A1BG: variants seen among roughly 807,000 people sequenced by gnomAD.
A1BG encodes alpha-1-B glycoprotein, also known as alpha-1B-glycoprotein.
In A1BG, 44 loss-of-function variants were observed where a neutral mutation model predicts 46.0. That is an observed-to-expected ratio of 0.96 (90% CI 0.75 to 1.23). The LOEUF (loss-of-function observed/expected upper bound fraction) is 1.23. Ranked by LOEUF, A1BG falls within the 50% of genes most tolerant of loss-of-function variation. The probability of loss-of-function intolerance (pLI) is 0.00; values close to 1 mark genes in which losing one functional copy is unlikely to be tolerated. For synonymous variants in A1BG, 316 were observed against 314.7 expected, an observed-to-expected ratio of 1.00 and a Z score of -0.04; for missense variants, 707 against 688.8, an observed-to-expected ratio of 1.03 and a Z score of -0.30.
chr19:58,347,383 G>C lies in A1BG; in HGVS notation c.1450C>G (p.Leu484Val). 6.2e-7 allele frequency: 1 copy of C among 1,612,270 alleles called. No homozygotes were observed. Among genetic ancestry groups the C allele is most frequent in the Non-Finnish European group, 8.5e-7 (1 of 1,179,800 alleles). Residue 484 changes from leucine to valine, a missense_variant, in exon 7 of 8, where the codon CTC becomes GTC. By Grantham distance (32) the Leu-to-Val change is conservative. Transcript: ENST00000263100. ...ACCAGGAGCTCCACAGGGTCGCTGA[G>C]CTCCGATTCGAAGGTGTGGGGCACC... The part of the protein sequence containing the change: ...SWVPHTFESE[L>V]SDPVELLVAE...
Position 58,345,834 on chromosome 19 carries a change from C to T in A1BG, c.*1188G>A, listed in dbSNP as rs2051910781. The T allele has an allele frequency of 6.6e-6, 1 of 152,258 alleles. No homozygotes were observed. Among genetic ancestry groups the T allele is most frequent in the Non-Finnish European group, 1.5e-5 (1 of 68,062 alleles). 9.4% of individuals were successfully genotyped at this position (152,258 alleles called of 1,614,324 possible). ...ATATTACTAAGGCAGTAAACCAGATCACTAGCAAATTCGTTGAAAAACACA... is the reference window on the plus strand; with the variant it reads ...ATATTACTAAGGCAGTAAACCAGATTACTAGCAAATTCGTTGAAAAACACA... On this transcript the variant is annotated 3_prime_UTR_variant, in exon 8 of 8. Transcript: ENST00000263100.
At chr19:58,347,685 C>T (rs2051925210) in intron 6 of A1BG, 45 bp from the exon 7 acceptor site, 2 of 1,253,120 alleles carry the variant, frequency 1.6e-6, no homozygotes, top group Non-Finnish European at 2.0e-6. Flanking sequence ...CGCCCCAGGC[C>T]ACGCCCCAGG....
At chr19:58,353,233 G>A (rs200532553) in intron 2 of A1BG, 36 bp from the exon 3 acceptor site, 219 of 1,613,730 alleles carry the variant, frequency 1.4e-4, no homozygotes, top group Middle Eastern at 8.2e-4. Context: ...CAGTGCCACA[G>A]AGACAGGGCT....
chr19:58,351,568 G>A lies in A1BG; in HGVS notation c.733C>T (p.Arg245Cys), dbSNP rs184830744. Residue 245 changes from arginine to cysteine, a missense_variant, in exon 5 of 8, where the codon CGC (arginine) becomes TGC (cysteine). Arg to Cys is a radical substitution (Grantham distance 180, BLOSUM62 -3). Coordinates refer to ENST00000263100, the MANE Select transcript of A1BG (RefSeq NM_130786.4). ...PLSGVDFQLR[R>C]GEKELLVPRS... ...GGTACCAGCAGCTCTTTCTCCCCGC[G>A]CCGTAGCTGGAAGTCCACTCCACTC... is the stretch of plus-strand genomic sequence containing the variant. 5.6e-6 allele frequency: 9 copies of A among 1,613,884 alleles called. No individual in the cohort carries two copies. Among genetic ancestry groups the A allele is most frequent in the African/African-American group, 5.3e-5 (4 of 75,032 alleles).
Position 58,347,457 on chromosome 19 carries a change from A to C in A1BG, c.1376T>G (p.Phe459Cys). ...PGAAANLELI[F>C]VGPQHAGNYR... ...GTTGCCGGCGTGCTGGGGCCCCACG[A>C]AGATCAGCTCGAGGTTCGCCGCGGC... The change falls in exon 7 of 8, where the codon TTC (phenylalanine) becomes TGC (cysteine). Residue 459 changes from phenylalanine to cysteine, a missense_variant. Transcript: ENST00000263100. 6.2e-7 allele frequency: 1 copy of C among 1,605,810 alleles called. No individual in the cohort carries two copies. Among genetic ancestry groups the C allele is most frequent in the South Asian group, 1.1e-5 (1 of 90,878 alleles).
Position 58,347,656 on chromosome 19 carries a change from G to GGGTGGTCGGGCC in A1BG, c.1193-28_1193-17dup. 7.3e-7 allele frequency: 1 copy of GGGTGGTCGGGCC among 1,369,066 alleles called. No individual in the cohort carries two copies. Among genetic ancestry groups the GGGTGGTCGGGCC allele is most frequent in the South Asian group, 1.6e-5 (1 of 63,294 alleles). The allele number at this position is 1,369,066 out of a possible 1,614,324, so 84.8% of individuals were successfully genotyped here. On this transcript the variant is annotated splice_polypyrimidine_tract_variant and intron_variant, in intron 6 of 7. Transcript: ENST00000263100. ...GGAGGGGGTCCTGGGCGGAGCGGGC[G>GGGTGGTCGGGCC]GGTGGTCGGGCCAGGCCACGCCCCA...
chr19:58,349,350 G>A (rs1236711458), intron 6 of A1BG, among the ~76,000 whole-genome samples: 2 of 151,992 alleles, frequency 1.3e-5, no homozygotes, highest in African/African-American at 4.8e-5. Context: ...GTGGATGGTG[G>A]CTTATAACAC....
At position 58,353,163 on chromosome 19, in the gene A1BG, G is replaced by C. The variant is rs776426662; in HGVS notation, c.105C>G (p.Ser35=). ...TGGCCAAGGGTTTCAGCAGTGATTC[G>C]GACTCTGCCCACAGGCTGGGCTGCG... ...YETQPSLWAE[S]ESLLKPLANV... The change falls in exon 3 of 8, where the codon TCC becomes TCG. Residue 35 remains serine (S), a synonymous_variant. Coordinates refer to ENST00000263100, the MANE Select transcript of A1BG (RefSeq NM_130786.4). The C allele has an allele frequency of 3.7e-6, 6 of 1,614,092 alleles. No individual in the cohort carries two copies. In the East Asian group the frequency reaches 8.9e-5, roughly 24 times the overall value.
chr19:58,352,062 G>A (rs2051964518), intron 4 of A1BG: 2 of 1,417,576 alleles, frequency 1.4e-6, no homozygotes, highest in African/African-American at 2.9e-5. Flanking sequence ...CCAAAGTGCT[G>A]GGATTATAGG....
At chr19:58,352,096 A>G (rs779388131) in intron 4 of A1BG, 187 bp downstream of exon 4, 8 of 1,447,432 alleles carry the variant, frequency 5.5e-6, no homozygotes, top group Non-Finnish European at 6.3e-6. Context: ...ACCCGGCCTC[A>G]CCCTTCCATT....
chr19:58,351,831 T>C, intron 4 of A1BG, 144 bp from the exon 5 acceptor site: 2 of 915,108 alleles, frequency 2.2e-6, no homozygotes, highest in Non-Finnish European at 3.2e-6. Flanking sequence ...AGTTTCGCTC[T>C]TGTTGCCCAG....
At position 58,352,497 on chromosome 19, in the gene A1BG, C is replaced by T. The variant is rs755034046; in HGVS notation, c.399G>A (p.Leu133=). ...MAPVSWITPG[L]KTTAVCRGVL... The stretch of plus-strand genomic sequence containing the variant: ...CACCTCGGCACACTGCTGTTGTTTT[C>T]AGGCCGGGGGTGATCCAGGACACTG... Residue 133 remains leucine, a synonymous_variant, in exon 4 of 8, where the codon CTG becomes CTA. Coordinates refer to ENST00000263100, the MANE Select transcript of A1BG (RefSeq NM_130786.4). 1.2e-6 allele frequency: 2 copies of T among 1,613,030 alleles called. No homozygotes were observed. The highest frequency in any genetic ancestry group is 8.5e-7 in the Non-Finnish European group (1 of 1,179,984).
rs1163609225 is a variant in A1BG at position 58,353,432 on chromosome 19, G to A, written c.6C>T (p.Ser2=). The A allele has an allele frequency of 6.2e-7, 1 of 1,611,822 alleles. No homozygotes were observed. Among genetic ancestry groups the A allele is most frequent in the South Asian group, 1.1e-5 (1 of 90,564 alleles). Residue 2 remains serine, a synonymous_variant, in exon 1 of 8, where the codon TCC becomes TCT. Coordinates refer to ENST00000263100, the MANE Select transcript of A1BG (RefSeq NM_130786.4). M[S]MLVVFLLLWG... ...ACAGCAAGAGAAAGACCACGAGCAT[G>A]GACATGATGGTCGCGCTCACTCCGG...
chr19:58,347,815 G>A (rs954071974), intron 6 of A1BG, 175 bp from the exon 7 acceptor site: 31 of 369,070 alleles, frequency 8.4e-5, no homozygotes, highest in Non-Finnish European at 1.4e-4. Context: ...TGCGCCCGCT[G>A]CCTTCACACC....
chr19:58,352,441 C>T lies in A1BG; in HGVS notation c.455G>A (p.Arg152Gln), dbSNP rs769410420. The T allele has an allele frequency of 2.2e-5, 35 of 1,613,686 alleles. No individual in the cohort carries two copies. The highest frequency in any genetic ancestry group is 3.3e-5 in the Admixed American group (2 of 59,984). Residue 152 changes from arginine (R) to glutamine (Q), a missense_variant, in exon 4 of 8, where the codon CGG (arginine) becomes CAG (glutamine). Coordinates refer to ENST00000263100, the MANE Select transcript of A1BG (RefSeq NM_130786.4). ...CTCCAGAAACTCATGGTCGCCCTCC[C>T]GCCTCAGCAGAAAAGTCACACCCCG... ...VLRGVTFLLR[R>Q]EGDHEFLEVP... is the part of the protein sequence containing the mutation.
intron 6 of A1BG, 84 bp from the exon 7 acceptor site, chr19:58,347,724 G>A (rs1600502686): frequency 7.8e-6 from 5 of 637,278 alleles, no homozygotes; most frequent in South Asian, 6.9e-5. Flanking sequence ...CCCAGGCCGC[G>A]CCCGCGCCTG....
intron 7 of A1BG, 63 bp downstream of exon 7, chr19:58,347,290 T>G: frequency 6.3e-7 from 1 of 1,599,806 alleles, no homozygotes; most frequent in Non-Finnish European, 8.5e-7. Context: ...CTCCTGGAGG[T>G]GGGCACAGCC....
chr19:58,350,559 C>A lies in A1BG; in HGVS notation c.1003G>T (p.Ala335Ser). The A allele has an allele frequency of 6.5e-7, 1 of 1,545,082 alleles. No homozygotes were observed. The highest frequency in any genetic ancestry group is 1.2e-5 in the South Asian group (1 of 83,680). The change falls in exon 6 of 8, where the codon GCC (alanine) becomes TCC (serine). Residue 335 changes from alanine to serine, a missense_variant. Coordinates refer to ENST00000263100, the MANE Select transcript of A1BG (RefSeq NM_130786.4). The part of the protein sequence containing the change: ...CLAPLEGARF[A>S]LVREDRGGRR... ...CCGCCCCTGTCCTCGCGCACCAGGG[C>A]GAAGCGCGCGCCCTCCAGGGGCGCC...
rs1488306318 is a variant in A1BG at position 58,347,015 on chromosome 19, G to A, written c.*7C>T. On this transcript the variant is annotated 3_prime_UTR_variant, in exon 8 of 8. Transcript: ENST00000263100. Reference sequence around the variant, plus strand: ...GACACCAACAGCACCCTGGGCCCGCGGCTGCATCAGCTTTCTAGACAACGG... The same window carrying A: ...GACACCAACAGCACCCTGGGCCCGCAGCTGCATCAGCTTTCTAGACAACGG... The A allele has an allele frequency of 8.1e-6, 13 of 1,614,110 alleles. No homozygotes were observed. The highest frequency in any genetic ancestry group is 1.1e-5 in the Non-Finnish European group (13 of 1,180,006).
Sources: allele counts gnomAD v4.1 joint callset (sites outside exome capture counted in the v4.1 genomes callset), GRCh38; gene constraint gnomAD v4.1.1; transcripts MANE v1.5; gene names NCBI Gene and HGNC (gene_info 2026-07-23, HGNC 2026-07-21).